Variants in FMNL2 observed in about 807,000 individuals in gnomAD.
FMNL2 encodes the protein formin-like protein 2.
FMNL2 carries 51 observed loss-of-function variants against 130.2 expected under a neutral mutation model. The ratio of observed to expected loss-of-function variants is 0.39; its 90% confidence interval spans 0.31 to 0.49. The LOEUF (loss-of-function observed/expected upper bound fraction) is 0.49. Among genes scored for constraint, FMNL2 ranks in the 20% least tolerant of loss-of-function variants. FMNL2 has a pLI of 0.85. For synonymous variants in FMNL2, 465 were observed against 467.1 expected (o/e 1.00, Z 0.06); for missense variants, 977 against 1,316.2 (o/e 0.74, Z 3.99).
At chr2:152,403,904 C>T (rs1685841848) in intron 1 of FMNL2, among the ~76,000 whole-genome samples, 1 of 152,174 alleles carries the variant, frequency 6.6e-6, no homozygotes, top group Non-Finnish European at 1.5e-5. Context: ...CCCCTCTCTA[C>T]TAAAAATGCA....
In FMNL2 at chr2:152,539,614, G is replaced by A. The variant is rs115277993; in HGVS notation, c.202-3125G>A. Among the ~76,000 whole-genome samples the A allele has an allele frequency of 5.7e-3, 862 of 152,242 alleles. 15 individuals are homozygous for A. Among genetic ancestry groups the A allele is most frequent in the African/African-American group, 0.02 (820 of 41,544 alleles). Reference sequence around the variant, plus strand: ...AAATGAAGAATATGTGGAATACAACGACAAATGCTAAATAAGCATATTTGA... The same window carrying A: ...AAATGAAGAATATGTGGAATACAACAACAAATGCTAAATAAGCATATTTGA... On this transcript the variant is annotated intron_variant, in intron 2 of 25. Transcript: ENST00000288670.
intron 8 of FMNL2, 46 bp from the exon 9 acceptor site, chr2:152,580,910 A>AT: frequency 3.9e-6 from 6 of 1,553,772 alleles, no homozygotes; most frequent in Non-Finnish European, 4.4e-6. Flanking sequence ...CTGACTCATC[A>AT]TGCCATTTTC....
rs10524595 is a variant in FMNL2 at position 152,337,391 on chromosome 2, CTG to C, written c.117+1703_117+1704del. Among the ~76,000 whole-genome samples the C allele has an allele frequency of 4.5e-3, 647 of 143,422 alleles. 3 individuals are homozygous for C. Among genetic ancestry groups the C allele is most frequent in the Middle Eastern group, 0.015 (4 of 272 alleles). The allele number at this position is 143,422 out of a possible 152,430, so 94.1% of individuals were successfully genotyped here. On this transcript the variant is annotated intron_variant, in intron 1 of 25. Coordinates refer to ENST00000288670, the MANE Select transcript of FMNL2 (RefSeq NM_052905.4). The stretch of plus-strand genomic sequence containing the variant: ...GTTTTTCCATCCATGCTGTGGTGCT[CTG>C]TGTGTGTGTGTGTGTGTGTGTGTGT...
rs938171320 is a variant in FMNL2 at position 152,358,478 on chromosome 2, C to G, written c.117+22758C>G. ...CACCCTGGCCAACATGGTGAAAAAC[C>G]CCTGTCTACTAAAAGTACAAAAATT... On this transcript the variant is annotated intron_variant, in intron 1 of 25. Transcript: ENST00000288670. 4.5e-4 allele frequency among the ~76,000 whole-genome samples: 69 copies of G among 151,884 alleles called. 1 individual carries two copies. Among genetic ancestry groups the G allele is most frequent in the Non-Finnish European group, 1.5e-5 (1 of 67,972 alleles).
chr2:152,383,914 A>G (rs1684640288), intron 1 of FMNL2, among the ~76,000 whole-genome samples: 1 of 152,054 alleles, frequency 6.6e-6, no homozygotes, highest in Non-Finnish European at 1.5e-5. Flanking sequence ...GTATGTGCAT[A>G]TTTTTCTACA....
At chr2:152,595,177 T>C (rs1413396605) in intron 9 of FMNL2, among the ~76,000 whole-genome samples, 1 of 152,250 alleles carries the variant, frequency 6.6e-6, no homozygotes, top group East Asian at 1.9e-4. Context: ...TTTCATTTCA[T>C]TTTCAACTAT....
At chr2:152,443,109 T>C (rs4664584) in intron 1 of FMNL2, among the ~76,000 whole-genome samples, 9,974 of 152,224 alleles carry the variant, frequency 0.066, 578 homozygotes, top group Admixed American at 0.21. Context: ...GAGATACTTA[T>C]AGACGGTAGT....
At chr2:152,373,078 C>A (rs1033455696) in intron 1 of FMNL2, among the ~76,000 whole-genome samples, 9 of 151,500 alleles carry the variant, frequency 5.9e-5, no homozygotes, top group Admixed American at 5.3e-4. Context: ...TGGAACTAAT[C>A]ATTTCATCTC....
chr2:152,463,019 G>T (rs1263971411), intron 1 of FMNL2, among the ~76,000 whole-genome samples: 1 of 152,202 alleles, frequency 6.6e-6, no homozygotes, highest in African/African-American at 2.4e-5. Context: ...GCACTGTGTT[G>T]GGTGTTAGCA....
In FMNL2 at chr2:152,335,180, T is replaced by G. The variant is rs1681316163; in HGVS notation, c.-424T>G. On this transcript the variant is annotated 5_prime_UTR_variant, in exon 1 of 26. Coordinates refer to ENST00000288670, the MANE Select transcript of FMNL2 (RefSeq NM_052905.4). ...GGAGCGCGGAGCTGCATTTGTCTGC[T>G]CCAGGTGCTAGCCAGGCAGGCGCAG... The G allele has an allele frequency of 6.5e-6, 1 of 153,288 alleles. No individual in the cohort carries two copies. The highest frequency in any genetic ancestry group is 2.4e-5 in the African/African-American group (1 of 41,360). The allele number at this position is 153,288 out of a possible 1,614,324, so 9.5% of individuals were successfully genotyped here. A position where few individuals can be genotyped will look rare whatever the true frequency, so the allele number is the denominator to read the frequency against.
chr2:152,342,668 T>A (rs991188357), intron 1 of FMNL2, among the ~76,000 whole-genome samples: 1 of 152,220 alleles, frequency 6.6e-6, no homozygotes, highest in African/African-American at 2.4e-5. Flanking sequence ...CCCTTCCTCC[T>A]TTCCAGAAAC....
intron 1 of FMNL2, among the ~76,000 whole-genome samples, chr2:152,430,463 C>T (rs1256758180): frequency 6.6e-6 from 1 of 152,204 alleles, no homozygotes; most frequent in African/African-American, 2.4e-5. Flanking sequence ...TGGCCTTCTG[C>T]ATGCCTTAGA....
chr2:152,505,232 T>A lies in FMNL2; in HGVS notation c.118-16711T>A, dbSNP rs12999189. Reference sequence around the variant, plus strand: ...CTTCCATTTTTAGAGAAAGGAATAGTAGAGAGTCAAGTGTGAAAACCAGCC... The same window carrying A: ...CTTCCATTTTTAGAGAAAGGAATAGAAGAGAGTCAAGTGTGAAAACCAGCC... On this transcript the variant is annotated intron_variant, in intron 1 of 25. Transcript: ENST00000288670. 9.8e-3 allele frequency among the ~76,000 whole-genome samples: 1,484 copies of A among 152,166 alleles called. 15 individuals are homozygous for A. Among genetic ancestry groups the A allele is most frequent in the African/African-American group, 0.026 (1,085 of 41,504 alleles).
intron 2 of FMNL2, among the ~76,000 whole-genome samples, chr2:152,524,585 G>A (rs772230942): frequency 1.5e-4 from 23 of 152,148 alleles, no homozygotes; most frequent in Non-Finnish European, 2.6e-4. Flanking sequence ...TAGTGTGAGC[G>A]TAGAAAGCTA....
intron 2 of FMNL2, among the ~76,000 whole-genome samples, chr2:152,529,278 A>G (rs1693565112): frequency 6.6e-6 from 1 of 152,132 alleles, no homozygotes; most frequent in Non-Finnish European, 1.5e-5. Flanking sequence ...AAAGGCTCCA[A>G]ATGGTTGGTA....
chr2:152,534,412 A>C (rs1238863225), intron 2 of FMNL2, among the ~76,000 whole-genome samples: 1 of 152,184 alleles, frequency 6.6e-6, no homozygotes, highest in African/African-American at 2.4e-5. Context: ...AGGCCAATGG[A>C]GTTTCAGATA....
At chr2:152,646,767 T>TAATG (rs1216662205) in intron 25 of FMNL2, among the ~76,000 whole-genome samples, 2 of 152,160 alleles carry the variant, frequency 1.3e-5, no homozygotes, top group Non-Finnish European at 2.9e-5. Flanking sequence ...AATACTAAGT[T>TAATG]AATGAAAGGG....
intron 9 of FMNL2, among the ~76,000 whole-genome samples, chr2:152,582,025 A>G (rs183264232): frequency 2.0e-5 from 3 of 152,316 alleles, no homozygotes; most frequent in Admixed American, 1.3e-4. Flanking sequence ...AGCTACATGC[A>G]TGGCATCATT....
intron 2 of FMNL2, among the ~76,000 whole-genome samples, chr2:152,537,344 G>C (rs973251941): frequency 6.6e-6 from 1 of 152,160 alleles, no homozygotes; most frequent in African/African-American, 2.4e-5. Flanking sequence ...TGCAAGGCAG[G>C]TATGTGTATA....
Sources: gnomAD v4.1 joint callset for allele counts (sites outside exome capture counted in the v4.1 genomes callset) on GRCh38, gnomAD v4.1.1 for gene constraint, MANE v1.5 for transcripts, NCBI Gene and HGNC (gene_info 2026-07-23, HGNC 2026-07-21) for gene names.